STRBP: variants seen among roughly 807,000 people sequenced by gnomAD.
STRBP encodes spermatid perinuclear RNA binding protein.
Under a neutral mutation model 80.1 loss-of-function variants are expected in STRBP, and 13 were observed. That is an observed-to-expected ratio of 0.16 (90% CI 0.11 to 0.26). The LOEUF (loss-of-function observed/expected upper bound fraction) is 0.26. STRBP is among the 10% of genes least tolerant of loss of function. The pLI, the probability that STRBP is intolerant of heterozygous loss-of-function variation, is 1.00. For missense variants in STRBP, 485 were observed against 815.2 expected, an observed-to-expected ratio of 0.59 and a Z score of 4.93; for synonymous variants, 284 against 291.2, an observed-to-expected ratio of 0.98 and a Z score of 0.25.
chr9:123,177,268 C>T (rs2038261239), intron 4 of STRBP, among the ~76,000 whole-genome samples: 1 of 152,128 alleles, frequency 6.6e-6, no homozygotes, highest in African/African-American at 2.4e-5. Flanking sequence ...CATCCACACA[C>T]AGAAGTATAA....
At chr9:123,262,077 A>G (rs1170344918) in intron 1 of STRBP, among the ~76,000 whole-genome samples, 1 of 152,230 alleles carries the variant, frequency 6.6e-6, no homozygotes. Flanking sequence ...CTGACTAAAC[A>G]TAAGTAACCA....
intron 4 of STRBP, among the ~76,000 whole-genome samples, chr9:123,175,965 A>C (rs954967844): frequency 6.6e-6 from 1 of 152,202 alleles, no homozygotes; most frequent in Non-Finnish European, 1.5e-5. Context: ...TCCTGGTTCA[A>C]ATCCTGGCTC....
At chr9:123,262,100 A>T (rs1204045187) in intron 1 of STRBP, among the ~76,000 whole-genome samples, 1 of 152,158 alleles carries the variant, frequency 6.6e-6, no homozygotes, top group African/African-American at 2.4e-5. Context: ...TACAAACTCC[A>T]TTTTCATATT....
At chr9:123,131,379 C>G (rs897138498) in intron 17 of STRBP, among the ~76,000 whole-genome samples, 2 of 152,164 alleles carry the variant, frequency 1.3e-5, no homozygotes, top group African/African-American at 4.8e-5. Flanking sequence ...TCACATCATT[C>G]CCCAGTCTCT....
intron 13 of STRBP, among the ~76,000 whole-genome samples, chr9:123,144,311 G>C (rs1456235863): frequency 6.6e-6 from 1 of 151,968 alleles, no homozygotes; most frequent in Non-Finnish European, 1.5e-5. Context: ...GTGCCAGGTT[G>C]TTTTGAGAAT....
intron 1 of STRBP, among the ~76,000 whole-genome samples, chr9:123,238,791 CAA>C (rs2040628234): frequency 1.3e-5 from 2 of 151,998 alleles, no homozygotes. Context: ...TTTTTACACA[CAA>C]AAGAGAAAAG....
chr9:123,167,742 G>C (rs924335258), intron 6 of STRBP, among the ~76,000 whole-genome samples: 1 of 152,010 alleles, frequency 6.6e-6, no homozygotes, highest in African/African-American at 2.4e-5. Flanking sequence ...ATGAGATTCA[G>C]CTCATAGAGG....
intron 6 of STRBP, among the ~76,000 whole-genome samples, chr9:123,169,461 A>G (rs867409016): frequency 1.3e-5 from 2 of 152,266 alleles, no homozygotes; most frequent in Middle Eastern, 6.8e-3. Flanking sequence ...ATGAGCGACC[A>G]TGCCCAACCA....
chr9:123,209,309 C>T (rs2039629579), intron 2 of STRBP, among the ~76,000 whole-genome samples: 1 of 152,122 alleles, frequency 6.6e-6, no homozygotes, highest in South Asian at 2.1e-4. Flanking sequence ...ATTTATTCAT[C>T]CATCTAACCA....
intron 4 of STRBP, among the ~76,000 whole-genome samples, chr9:123,176,190 G>A (rs761463164): frequency 2.0e-5 from 3 of 152,086 alleles, no homozygotes; most frequent in Non-Finnish European, 4.4e-5. Context: ...TACCTAGATC[G>A]GTGCTGAGAT....
chr9:123,261,240 GCATTATCC>G (rs1175197793), intron 1 of STRBP, among the ~76,000 whole-genome samples: 1 of 152,154 alleles, frequency 6.6e-6, no homozygotes, highest in East Asian at 1.9e-4. Flanking sequence ...GGAGGACTAA[GCATTATCC>G]CATTCAGTCC....
chr9:123,210,301 C>G (rs765366049), intron 2 of STRBP, among the ~76,000 whole-genome samples: 4 of 151,186 alleles, frequency 2.6e-5, no homozygotes, highest in Non-Finnish European at 4.4e-5. Flanking sequence ...TTTTGGTCAT[C>G]AAAAAACACC....
intron 18 of STRBP, among the ~76,000 whole-genome samples, chr9:123,125,967 T>C (rs1347606242): frequency 6.6e-6 from 1 of 152,216 alleles, no homozygotes; most frequent in African/African-American, 2.4e-5. Context: ...TGCTATTGAA[T>C]CATGTTCTAA....
intron 5 of STRBP, among the ~76,000 whole-genome samples, chr9:123,170,890 C>T (rs541659231): frequency 6.6e-6 from 1 of 151,968 alleles, no homozygotes; most frequent in Non-Finnish European, 1.5e-5. Flanking sequence ...AGTAGCCAGG[C>T]TGAATAGGGA....
intron 2 of STRBP, among the ~76,000 whole-genome samples, chr9:123,186,180 C>A (rs891594199): frequency 2.6e-5 from 4 of 151,558 alleles, no homozygotes; most frequent in African/African-American, 4.9e-5. Flanking sequence ...CCATCTCTAC[C>A]AAAAAAATTA....
chr9:123,147,705 C>CA, intron 12 of STRBP, 73 bp downstream of exon 12: 1 of 765,566 alleles, frequency 1.3e-6, no homozygotes, highest in Non-Finnish European at 2.0e-6. Context: ...AAAAACCCTT[C>CA]ACTTTTAATT....
chr9:123,174,637 T>C (rs113640954), intron 4 of STRBP, among the ~76,000 whole-genome samples: 3 of 152,156 alleles, frequency 2.0e-5, no homozygotes, highest in African/African-American at 7.2e-5. Context: ...CCCAACTATA[T>C]CATTCTAAAG....
chr9:123,181,383 G>C (rs933454451), intron 3 of STRBP, among the ~76,000 whole-genome samples: 1 of 152,154 alleles, frequency 6.6e-6, no homozygotes, highest in South Asian at 2.1e-4. Flanking sequence ...GCAAAACTGC[G>C]TATTGCTACA....
intron 1 of STRBP, among the ~76,000 whole-genome samples, chr9:123,250,555 T>A (rs1189475605): frequency 6.6e-6 from 1 of 152,312 alleles, no homozygotes; most frequent in Middle Eastern, 3.4e-3. Context: ...CCTAACTATA[T>A]GTAGGTTGAT....
Sources: gnomAD v4.1 joint callset for allele counts (sites outside exome capture counted in the v4.1 genomes callset) on GRCh38, gnomAD v4.1.1 for gene constraint, MANE v1.5 for transcripts, NCBI Gene and HGNC (gene_info 2026-07-23, HGNC 2026-07-21) for gene names.